The following PTPN5 variants were observed in gnomAD, a reference collection of about 807,000 sequenced individuals.
The protein encoded by PTPN5 is tyrosine-protein phosphatase non-receptor type 5.
In PTPN5, 29 loss-of-function variants were observed where a neutral mutation model predicts 73.9. That is an observed-to-expected ratio of 0.39 (90% CI 0.29 to 0.54). The LOEUF is 0.54. Among genes scored for constraint, PTPN5 ranks in the 20% least tolerant of loss-of-function variants. The pLI is 0.65. For missense variants in PTPN5, 652 were observed against 751.4 expected, an observed-to-expected ratio of 0.87 and a Z score of 1.55; for synonymous variants, 267 against 304.7, an observed-to-expected ratio of 0.88 and a Z score of 1.29.
At chr11:18,749,773 C>T (rs1849802055) in intron 3 of PTPN5, among the ~76,000 whole-genome samples, 2 of 152,200 alleles carry the variant, frequency 1.3e-5, no homozygotes, top group African/African-American at 4.8e-5. Context: ...CTACTCTGTG[C>T]CCTGGAGCTG....
intron 12 of PTPN5, among the ~76,000 whole-genome samples, chr11:18,731,082 C>T (rs950081824): frequency 6.6e-6 from 1 of 151,612 alleles, no homozygotes. Context: ...GTACAGGAAG[C>T]CCTCCCTGAG....
intron 9 of PTPN5, among the ~76,000 whole-genome samples, 189 bp downstream of exon 9, chr11:18,737,691 C>T (rs772214549): frequency 6.6e-6 from 1 of 152,162 alleles, no homozygotes; most frequent in South Asian, 2.1e-4. Context: ...GAGTGCTGTG[C>T]GAGGAAATGT....
At chr11:18,786,009 C>T (rs1851650024) in intron 1 of PTPN5, among the ~76,000 whole-genome samples, 1 of 152,200 alleles carries the variant, frequency 6.6e-6, no homozygotes, top group African/African-American at 2.4e-5. Context: ...TTGAGTCACG[C>T]TTGCTTCAAT....
At chr11:18,771,842 C>A (rs1290219201) in intron 2 of PTPN5, 97 bp downstream of exon 2, 4 of 1,010,400 alleles carry the variant, frequency 4.0e-6, no homozygotes, top group Non-Finnish European at 6.2e-6. Context: ...CTGAACACCT[C>A]ATGAGAATGG....
chr11:18,745,145 T>C (rs1001941201), intron 3 of PTPN5, among the ~76,000 whole-genome samples: 4 of 152,224 alleles, frequency 2.6e-5, no homozygotes, highest in African/African-American at 9.6e-5. Context: ...ATTGGAGGTC[T>C]GCACCCAAAC....
chr11:18,729,172 C>G lies in PTPN5; in HGVS notation c.1605-145G>C. On this transcript the variant is annotated intron_variant, in intron 14 of 14. Transcript: ENST00000358540. This position sits in a 1 kb window ranked among gnomAD's most constrained non-coding sequence, Gnocchi z 5.2. ...ACCAACCCTTGCCAACCATTACCCT[C>G]TGCCCCTTCCTATCAGGGACACAGA... 1 of 729,100 alleles carries G rather than the reference C, an allele frequency of 1.4e-6. No individual in the cohort carries two copies. Among genetic ancestry groups the G allele is most frequent in the Admixed American group, 2.7e-5 (1 of 36,956 alleles). The allele number at this position is 729,100 out of a possible 1,614,324, so 45.2% of individuals were successfully genotyped here. A position where few individuals can be genotyped will look rare whatever the true frequency, so the allele number is the denominator to read the frequency against.
intron 3 of PTPN5, among the ~76,000 whole-genome samples, chr11:18,763,119 T>C (rs1221509209): frequency 6.6e-6 from 1 of 152,152 alleles, no homozygotes; most frequent in African/African-American, 2.4e-5. Flanking sequence ...CAATCCCCTA[T>C]CAGGACAGCA....
chr11:18,791,049 G>T (rs1331388103), intron 1 of PTPN5, among the ~76,000 whole-genome samples: 1 of 152,216 alleles, frequency 6.6e-6, no homozygotes, highest in African/African-American at 2.4e-5. Context: ...TATTCTAGGG[G>T]AGGGTGGGAC....
At chr11:18,746,407 G>T (rs1326516458) in intron 3 of PTPN5, among the ~76,000 whole-genome samples, 3 of 151,782 alleles carry the variant, frequency 2.0e-5, no homozygotes, top group Non-Finnish European at 4.4e-5. Context: ...GGCCAGGCTG[G>T]TCTTGAACAC....
intron 12 of PTPN5, chr11:18,730,214 C>G (rs940993834): frequency 2.5e-6 from 1 of 397,250 alleles, no homozygotes; most frequent in Non-Finnish European, 4.4e-6. Flanking sequence ...GCCTCGCCTG[C>G]GCCTGCGTGA....
At position 18,729,947 on chromosome 11, in the gene PTPN5, C is replaced by G; in HGVS notation, c.1330-129G>C. 7.9e-7 allele frequency: 1 copy of G among 1,261,132 alleles called. No individual in the cohort carries two copies. The highest frequency in any genetic ancestry group is 1.1e-6 in the Non-Finnish European group (1 of 883,170). 78.1% of individuals were successfully genotyped at this position (1,261,132 alleles called of 1,614,324 possible). Reference sequence around the variant, plus strand: ...AACACTGAGAGTGGGACCCCTTCACCCTTCCATCTAGGCCACATTGCCCAG... The same window carrying G: ...AACACTGAGAGTGGGACCCCTTCACGCTTCCATCTAGGCCACATTGCCCAG... On this transcript the variant is annotated intron_variant, in intron 12 of 14. Transcript: ENST00000358540. This position sits in a 1 kb window ranked among gnomAD's most constrained non-coding sequence, Gnocchi z 5.2.
chr11:18,729,117 C>G lies in PTPN5; in HGVS notation c.1605-90G>C. On this transcript the variant is annotated intron_variant, in intron 14 of 14. Transcript: ENST00000358540. This position sits in a 1 kb window ranked among gnomAD's most constrained non-coding sequence, Gnocchi z 5.2. ...AAAGCCATGGAGTAGCAATCACTTG[C>G]CAGGCCTTGCCCCTGTGCGTCTTGG... 7.4e-7 allele frequency: 1 copy of G among 1,357,512 alleles called. No individual in the cohort carries two copies. The highest frequency in any genetic ancestry group is 1.0e-6 in the Non-Finnish European group (1 of 969,666). 84.1% of individuals were successfully genotyped at this position (1,357,512 alleles called of 1,614,324 possible). A position where few individuals can be genotyped will look rare whatever the true frequency, so the allele number is the denominator to read the frequency against.
chr11:18,765,954 A>G, intron 2 of PTPN5, 71 bp from the exon 3 acceptor site: 1 of 1,124,050 alleles, frequency 8.9e-7, no homozygotes, highest in Non-Finnish European at 1.3e-6. Context: ...GAGCAAAGAT[A>G]AGAAGGCTCC....
chr11:18,781,412 C>A lies in PTPN5; in HGVS notation c.-113-9341G>T, dbSNP rs1031563224. 4.6e-5 allele frequency among the ~76,000 whole-genome samples: 7 copies of A among 151,610 alleles called. No individual in the cohort carries two copies. In the South Asian group the frequency reaches 1.0e-3, roughly 23 times the overall value. ...TAGGCTCACTGCAGCCTCCGCCTCC[C>A]GGGTTTAATCAATTCTCCTGCCTCA... On this transcript the variant is annotated intron_variant, in intron 1 of 14. Transcript: ENST00000358540.
intron 12 of PTPN5, among the ~76,000 whole-genome samples, chr11:18,732,010 C>T (rs1848898669): frequency 6.6e-6 from 1 of 152,214 alleles, no homozygotes; most frequent in Non-Finnish European, 1.5e-5. Flanking sequence ...GGAAGCACAA[C>T]TTCAGGGTGG....
rs767927002 is a variant in PTPN5 at position 18,729,904 on chromosome 11, G to A, written c.1330-86C>T. On this transcript the variant is annotated intron_variant, in intron 12 of 14. Coordinates refer to ENST00000358540, the MANE Select transcript of PTPN5 (RefSeq NM_006906.2). The surrounding 1 kb of genome is among the most constrained non-coding windows in gnomAD (Gnocchi z 5.2). ...CCCAGAGATAGAGATGAGATGGAAGGAGGAAGAACACAGGAAGAACACTGA... is the reference window on the plus strand; with the variant it reads ...CCCAGAGATAGAGATGAGATGGAAGAAGGAAGAACACAGGAAGAACACTGA... 8 of 1,546,998 alleles carry A rather than the reference G, an allele frequency of 5.2e-6. No individual in the cohort carries two copies. In the African/African-American group the frequency reaches 9.5e-5, roughly 18 times the overall value.
Position 18,743,335 on chromosome 11 carries a change from T to C in PTPN5, c.386A>G (p.Gln129Arg), listed in dbSNP as rs923419862. 2.5e-6 allele frequency: 4 copies of C among 1,614,162 alleles called. No individual in the cohort carries two copies. Among genetic ancestry groups the C allele is most frequent in the African/African-American group, 2.7e-5 (2 of 75,056 alleles). Residue 129 changes from glutamine to arginine, a missense_variant, in exon 5 of 15, where the codon CAG (glutamine) becomes CGG (arginine). By Grantham distance (43) the Gln-to-Arg change is conservative. Around this residue, in one of 3 missense-constraint regions of PTPN5, gnomAD observed 529 missense variants for 573.9 expected, o/e 0.92. Coordinates refer to ENST00000358540, the MANE Select transcript of PTPN5 (RefSeq NM_006906.2). ...LVSSLLTLLK[Q>R]LEPTAWLDSG... Reference sequence around the variant, plus strand: ...AAGCTTACTTACCGTGGGTTCCAGCTGTTTCAGGAGCGTCAGCAAAGAGGA... The same window carrying C: ...AAGCTTACTTACCGTGGGTTCCAGCCGTTTCAGGAGCGTCAGCAAAGAGGA...
intron 1 of PTPN5, 67 bp from the exon 2 acceptor site, chr11:18,772,138 C>T (rs77383503): frequency 0.27 from 146,183 of 541,152 alleles, 21,182 homozygotes; most frequent in Middle Eastern, 0.3. Flanking sequence ...CAACAATTTG[C>T]TTTCAGGTAG....
intron 1 of PTPN5, among the ~76,000 whole-genome samples, chr11:18,777,837 C>G (rs1217177868): frequency 6.6e-6 from 1 of 152,018 alleles, no homozygotes; most frequent in East Asian, 1.9e-4. Context: ...CCCAGCTACT[C>G]AGCACGCTGA....
Sources: gnomAD v4.1 joint callset for allele counts (sites outside exome capture counted in the v4.1 genomes callset) on GRCh38, gnomAD v4.1.1 for gene constraint, gnomAD v4.1.1 regional missense constraint, Gnocchi (gnomAD v3.1) non-coding constraint, MANE v1.5 for transcripts, NCBI Gene and HGNC (gene_info 2026-07-23, HGNC 2026-07-21) for gene names.